The following NDUFA10 variants were observed in gnomAD, a reference collection of about 807,000 sequenced individuals.
NDUFA10 encodes the protein NADH dehydrogenase [ubiquinone] 1 alpha subcomplex subunit 10, mitochondrial.
In NDUFA10, 40 loss-of-function variants were observed where a neutral mutation model predicts 47.8. The observed-to-expected ratio is 0.84, with a 90% confidence interval of 0.65 to 1.09. NDUFA10 has a LOEUF of 1.09. NDUFA10 is among the 50% of genes least tolerant of loss of function. NDUFA10 has a pLI of 0.00. For synonymous variants in NDUFA10, 183 were observed against 172.2 expected, an observed-to-expected ratio of 1.06 and a Z score of -0.49; for missense variants, 413 against 451.1, an observed-to-expected ratio of 0.92 and a Z score of 0.76.
At chr2:239,955,874 TGA>T (rs1362121224), downstream of NDUFA10, among the ~76,000 whole-genome samples, 2 of 151,934 alleles carry the variant, frequency 1.3e-5, no homozygotes, top group East Asian at 3.9e-4. Flanking sequence ...AACTCCAACC[TGA>T]GAGACCAAAG....
intron 9 of NDUFA10, among the ~76,000 whole-genome samples, chr2:239,967,172 G>C (rs1287635275): frequency 6.6e-6 from 1 of 152,202 alleles, no homozygotes; most frequent in Non-Finnish European, 1.5e-5. Flanking sequence ...CCATCGGAAT[G>C]GGTTGAATTT....
chr2:239,930,356 T>G (rs1288369131), intron 4 of NDUFA10, among the ~76,000 whole-genome samples: 3 of 151,956 alleles, frequency 2.0e-5, no homozygotes, highest in Admixed American at 2.0e-4. Flanking sequence ...CCCTGCAAAT[T>G]TCCTCCTTCA....
At chr2:239,988,350 T>C (rs1003590169) in intron 9 of NDUFA10, among the ~76,000 whole-genome samples, 2 of 152,118 alleles carry the variant, frequency 1.3e-5, no homozygotes, top group Non-Finnish European at 2.9e-5. Flanking sequence ...TCTAAATTGG[T>C]ACGCATCTAA....
At chr2:239,974,164 AGTCATC>A (rs1221513563) in intron 9 of NDUFA10, among the ~76,000 whole-genome samples, 31 of 152,212 alleles carry the variant, frequency 2.0e-4, no homozygotes, top group African/African-American at 7.2e-4. Flanking sequence ...CCTGACCTCA[AGTCATC>A]CGCCCGCCTC....
At chr2:239,921,475 T>C (rs1693981922) in intron 4 of NDUFA10, among the ~76,000 whole-genome samples, 1 of 152,144 alleles carries the variant, frequency 6.6e-6, no homozygotes, top group Admixed American at 6.5e-5. Context: ...TGCCCTTTTT[T>C]CAATCTTCCC....
chr2:239,950,927 T>C (rs1309944309), intron 4 of NDUFA10, among the ~76,000 whole-genome samples: 1 of 152,194 alleles, frequency 6.6e-6, no homozygotes, highest in African/African-American at 2.4e-5. Context: ...TCAAAGAGGT[T>C]TCAAGTCAGC....
At chr2:239,905,060 A>C (rs1052836701) in intron 4 of NDUFA10, among the ~76,000 whole-genome samples, 1 of 152,144 alleles carries the variant, frequency 6.6e-6, no homozygotes, top group Non-Finnish European at 1.5e-5. Flanking sequence ...TTTCCAAATA[A>C]GTTCCCATTC....
At chr2:239,961,928 C>T (rs548907382) in intron 9 of NDUFA10, among the ~76,000 whole-genome samples, 2 of 152,288 alleles carry the variant, frequency 1.3e-5, no homozygotes, top group South Asian at 4.1e-4. Flanking sequence ...TGGGAGAGAT[C>T]AGGGGCTCAG....
chr2:239,970,666 T>C (rs1695271923), intron 9 of NDUFA10, among the ~76,000 whole-genome samples: 1 of 152,248 alleles, frequency 6.6e-6, no homozygotes, highest in South Asian at 2.1e-4. Context: ...ACCTGCATTC[T>C]GTGTGAGGCG....
intron 4 of NDUFA10, among the ~76,000 whole-genome samples, chr2:239,946,880 C>T (rs1229147509): frequency 6.6e-6 from 1 of 152,008 alleles, no homozygotes; most frequent in African/African-American, 2.4e-5. Flanking sequence ...TCTTTGATGT[C>T]CTGCCTAACT....
chr2:239,950,524 C>A lies in NDUFA10; in HGVS notation c.294+39550G>T, dbSNP rs190425690. Among the ~76,000 whole-genome samples, 349 of 152,360 alleles carry A rather than the reference C, an allele frequency of 2.3e-3. 1 individual carries two copies. Among genetic ancestry groups the A allele is most frequent in the Non-Finnish European group, 4.0e-3 (269 of 68,036 alleles). Reference sequence around the variant, plus strand: ...GTGTAGATGTAAACATTGACCTTTCCCACTTGTGTTTAGACCTGGTGTCCT... The same window carrying A: ...GTGTAGATGTAAACATTGACCTTTCACACTTGTGTTTAGACCTGGTGTCCT... On this transcript the variant is annotated intron_variant, in intron 4 of 5. Transcript: ENST00000419408.
At chr2:239,896,549 G>A (rs1693401589) in intron 4 of NDUFA10, among the ~76,000 whole-genome samples, 1 of 152,206 alleles carries the variant, frequency 6.6e-6, no homozygotes, top group South Asian at 2.1e-4. Context: ...ACGGAAGGGA[G>A]GAAAGAGGCT....
Position 239,934,848 on chromosome 2 carries a change from C to A in NDUFA10, c.295-39534G>T, listed in dbSNP as rs575846085. ...CACCTCCGCCCCCACCCGTTTTCCA[C>A]ACATGGGCCTGCAACTCAGACAACC... On this transcript the variant is annotated intron_variant, in intron 4 of 5. Coordinates refer to the NDUFA10 transcript ENST00000419408. 9.2e-5 allele frequency among the ~76,000 whole-genome samples: 14 copies of A among 152,316 alleles called. No homozygotes were observed. In the South Asian group the frequency reaches 2.9e-3, roughly 32 times the overall value.
At chr2:239,955,279 T>C (rs112043194), downstream of NDUFA10, among the ~76,000 whole-genome samples, 5,464 of 151,908 alleles carry the variant, frequency 0.036, 336 homozygotes, top group African/African-American at 0.13. Context: ...GGGGCCAGAG[T>C]GGGTGGAGAG....
intron 4 of NDUFA10, among the ~76,000 whole-genome samples, chr2:239,908,530 C>G (rs1248800705): frequency 1.3e-5 from 2 of 152,220 alleles, no homozygotes; most frequent in African/African-American, 4.8e-5. Context: ...CAGCTCCCTT[C>G]CTGTCCCATG....
rs960192444 is a variant in NDUFA10, at chr2:239,945,570, G to A, written c.294+44504C>T. Among the ~76,000 whole-genome samples the A allele has an allele frequency of 6.6e-6, 1 of 152,148 alleles. No homozygotes were observed. Among genetic ancestry groups the A allele is most frequent in the African/African-American group, 2.4e-5 (1 of 41,446 alleles). ...TATGGCCAGGCTGGGAGGATCCTGG[G>A]GGCTGAGGCTCCCTCCAGGGAGGAC... On this transcript the variant is annotated intron_variant, in intron 4 of 5. Coordinates refer to the NDUFA10 transcript ENST00000419408. This position sits in a 1 kb window ranked among gnomAD's most constrained non-coding sequence, Gnocchi z 4.6.
chr2:239,899,019 GTCA>G (rs1323342857), intron 4 of NDUFA10, among the ~76,000 whole-genome samples: 4 of 111,120 alleles, frequency 3.6e-5, no homozygotes, highest in Admixed American at 8.9e-5. Flanking sequence ...ATGGAGGGGA[GTCA>G]TGGAGGGGTG....
chr2:239,948,093 A>G (rs183077188), intron 4 of NDUFA10, among the ~76,000 whole-genome samples: 1 of 150,300 alleles, frequency 6.7e-6, no homozygotes, highest in African/African-American at 2.4e-5. Context: ...TGTTTGAGCA[A>G]AAGTCCAGAG....
intron 1 of NDUFA10, among the ~76,000 whole-genome samples, chr2:240,023,699 G>C (rs139402358): frequency 2.3e-4 from 35 of 152,312 alleles, no homozygotes; most frequent in Admixed American, 1.4e-3. Flanking sequence ...ATACTTTATA[G>C]TGAAATTTAA....
Sources: allele counts gnomAD v4.1 joint callset (sites outside exome capture counted in the v4.1 genomes callset), GRCh38; gene constraint gnomAD v4.1.1; non-coding constraint Gnocchi (gnomAD v3.1); transcripts MANE v1.5; gene names NCBI Gene and HGNC (gene_info 2026-07-23, HGNC 2026-07-21).